Variants in CNTN1 observed in about 807,000 individuals in gnomAD.
CNTN1 encodes contactin 1, also known as contactin-1.
Under a neutral mutation model 126.4 loss-of-function variants are expected in CNTN1, and 38 were observed. The observed-to-expected ratio is 0.30, with a 90% CI of 0.23 to 0.39. The LOEUF is 0.39. Among genes scored for constraint, CNTN1 ranks in the 10% least tolerant of loss-of-function variants. CNTN1 has a pLI of 1.00. For missense variants in CNTN1, 1,009 were observed against 1,248.4 expected, an observed-to-expected ratio of 0.81 and a Z score of 2.89; for synonymous variants, 413 against 422.6, an observed-to-expected ratio of 0.98 and a Z score of 0.28.
chr12:40,786,855 C>T (rs1940042523), intron 1 of CNTN1, among the ~76,000 whole-genome samples: 1 of 152,148 alleles, frequency 6.6e-6, no homozygotes, highest in Non-Finnish European at 1.5e-5. Flanking sequence ...CCATGTCACT[C>T]TGCTCACTTC....
chr12:41,009,318 T>C (rs540478798), intron 17 of CNTN1, among the ~76,000 whole-genome samples: 2 of 152,318 alleles, frequency 1.3e-5, no homozygotes, highest in South Asian at 4.1e-4. Context: ...TAGAGGACAG[T>C]AATCCCACCA....
chr12:40,704,862 G>A (rs565210552), intron 1 of CNTN1, among the ~76,000 whole-genome samples: 2 of 152,268 alleles, frequency 1.3e-5, no homozygotes, highest in East Asian at 1.9e-4. Context: ...CAATGGTAAA[G>A]TGATTAGTTG....
intron 1 of CNTN1, among the ~76,000 whole-genome samples, chr12:40,816,575 A>AT (rs1329221423): frequency 1.4e-5 from 2 of 146,972 alleles, no homozygotes; most frequent in African/African-American, 2.5e-5. Flanking sequence ...TTATTTATTT[A>AT]TTTTTTTCAA....
At chr12:41,014,329 G>T (rs776878959) in intron 18 of CNTN1, 31 bp downstream of exon 18, 15 of 1,605,384 alleles carry the variant, frequency 9.3e-6, no homozygotes, top group East Asian at 2.2e-5. Flanking sequence ...CATATTATAG[G>T]TTGCTGTATC....
At chr12:40,738,577 A>C (rs543055897) in intron 1 of CNTN1, among the ~76,000 whole-genome samples, 43 of 152,144 alleles carry the variant, frequency 2.8e-4, no homozygotes, top group South Asian at 6.2e-4. Context: ...GTAATATACA[A>C]GACCTACAAT....
intron 1 of CNTN1, among the ~76,000 whole-genome samples, chr12:40,889,243 C>T (rs1944159566): frequency 6.6e-6 from 1 of 151,964 alleles, no homozygotes; most frequent in East Asian, 1.9e-4. Context: ...AGATTTTAGC[C>T]ATAATGTTGA....
At chr12:40,728,331 T>C (rs1374325690) in intron 1 of CNTN1, among the ~76,000 whole-genome samples, 2 of 152,154 alleles carry the variant, frequency 1.3e-5, no homozygotes, top group Non-Finnish European at 2.9e-5. Flanking sequence ...CCTAAGCGTG[T>C]GGTTTCATTC....
chr12:41,056,034 C>T (rs1211665878), intron 23 of CNTN1, among the ~76,000 whole-genome samples: 4 of 152,078 alleles, frequency 2.6e-5, no homozygotes, highest in Admixed American at 6.6e-5. Flanking sequence ...TAAATACCTT[C>T]TAATGCCCTT....
intron 15 of CNTN1, among the ~76,000 whole-genome samples, chr12:40,965,414 G>T (rs983871032): frequency 9.9e-5 from 15 of 152,040 alleles, no homozygotes; most frequent in African/African-American, 3.6e-4. Flanking sequence ...CACTATACCA[G>T]AAAGATTATC....
chr12:40,931,050 T>C (rs1357960310), intron 7 of CNTN1, among the ~76,000 whole-genome samples: 1 of 151,934 alleles, frequency 6.6e-6, no homozygotes, highest in African/African-American at 2.4e-5. Flanking sequence ...CTCCCCTCGC[T>C]CAAGCTAAGT....
chr12:40,773,722 T>C (rs111773323), intron 1 of CNTN1, among the ~76,000 whole-genome samples: 1 of 141,382 alleles, frequency 7.1e-6, no homozygotes, highest in East Asian at 2.1e-4. Flanking sequence ...TATACACATA[T>C]ATATATATAT....
intron 17 of CNTN1, among the ~76,000 whole-genome samples, chr12:41,006,884 C>A (rs773616082): frequency 3.1e-4 from 47 of 152,172 alleles, no homozygotes; most frequent in African/African-American, 1.1e-3. Flanking sequence ...CAGGAACAAA[C>A]AATGAATACT....
chr12:41,047,819 T>TA (rs1463030972), intron 23 of CNTN1, among the ~76,000 whole-genome samples: 1 of 152,122 alleles, frequency 6.6e-6, no homozygotes, highest in Non-Finnish European at 1.5e-5. Context: ...GGTTCTACCC[T>TA]AGCCCTTTTC....
At chr12:40,816,132 C>T (rs142669826) in intron 1 of CNTN1, among the ~76,000 whole-genome samples, 3,459 of 152,128 alleles carry the variant, frequency 0.023, 127 homozygotes, top group African/African-American at 0.078. Context: ...GTGTCTCTTC[C>T]TGCTTTTGGT....
chr12:40,969,103 C>T (rs1205131521), intron 15 of CNTN1, among the ~76,000 whole-genome samples: 3 of 152,072 alleles, frequency 2.0e-5, no homozygotes, highest in East Asian at 3.8e-4. Context: ...CAAGAAAAAA[C>T]TTAACGACGT....
Position 40,945,850 on chromosome 12 carries a change from C to T in CNTN1, c.1683+1680C>T, listed in dbSNP as rs1005933783. 3.9e-5 allele frequency among the ~76,000 whole-genome samples: 6 copies of T among 152,162 alleles called. No individual in the cohort carries two copies. In the East Asian group the frequency reaches 1.2e-3, roughly 29 times the overall value. ...CACACTCTCCCTTTTCAGATGATAG[C>T]TGCAGAGATTCACATAGTTACCCCT... On this transcript the variant is annotated intron_variant, in intron 14 of 23. Transcript: ENST00000551295.
Position 40,939,401 on chromosome 12 carries a change from T to C in CNTN1, c.1295T>C (p.Val432Ala). 1 of 1,613,892 alleles carries C rather than the reference T, an allele frequency of 6.2e-7. No homozygotes were observed. The highest frequency in any genetic ancestry group is 8.5e-7 in the Non-Finnish European group (1 of 1,179,940). ...ATCCTGGCTGCTAAAGGTGGAAGGG[T>C]GATAATTGAATGCAAACCTAAAGCT... ...KKILAAKGGRVIIECKPKAAP... is the reference protein window; with the variant it reads ...KKILAAKGGRAIIECKPKAAP... Residue 432 changes from valine (V) to alanine (A), a missense_variant, in exon 12 of 24, where the codon GTG (valine) becomes GCG (alanine). Coordinates refer to ENST00000551295, the MANE Select transcript of CNTN1 (RefSeq NM_001843.4).
At chr12:40,743,306 T>C (rs1938027729) in intron 1 of CNTN1, among the ~76,000 whole-genome samples, 2 of 152,000 alleles carry the variant, frequency 1.3e-5, no homozygotes, top group African/African-American at 2.4e-5. Context: ...TTCTTTGTGA[T>C]GCTATTGAGT....
chr12:40,958,430 T>C (rs1946977412), intron 14 of CNTN1, among the ~76,000 whole-genome samples: 1 of 151,194 alleles, frequency 6.6e-6, no homozygotes, highest in Admixed American at 6.6e-5. Flanking sequence ...CGGTATAGAG[T>C]AGGCATTGAA....
Sources: allele counts gnomAD v4.1 joint callset (sites outside exome capture counted in the v4.1 genomes callset), GRCh38; gene constraint gnomAD v4.1.1; transcripts MANE v1.5; gene names NCBI Gene and HGNC (gene_info 2026-07-23, HGNC 2026-07-21).